The following GALNT18 variants were observed in gnomAD, a reference collection of about 807,000 sequenced individuals.
GALNT18 encodes the protein polypeptide N-acetylgalactosaminyltransferase 18.
A neutral mutation model predicts 69.5 loss-of-function variants in GALNT18; 44 were observed. The observed-to-expected ratio is 0.63, with a 90% CI of 0.50 to 0.81. The LOEUF (loss-of-function observed/expected upper bound fraction) is 0.81. Ranked by LOEUF, GALNT18 falls within the 40% of genes least tolerant of loss-of-function variation. GALNT18 has a pLI of 0.00. For synonymous variants in GALNT18, 364 were observed against 318.2 expected (o/e 1.14, Z -1.53); for missense variants, 715 against 810.0 (o/e 0.88, Z 1.42).
rs1859318491 is a variant in GALNT18, at chr11:11,590,026, A to G, written c.235+31333T>C. ...CCTACTCCTGGCTCTGCCACTTGCT[A>G]CCTTTGTGACTTTACCTAGGGGTGA... On this transcript the variant is annotated intron_variant, in intron 1 of 10. Transcript: ENST00000227756. This position sits in a 1 kb window ranked among gnomAD's most constrained non-coding sequence, Gnocchi z 4.4. Among the ~76,000 whole-genome samples the G allele has an allele frequency of 6.6e-6, 1 of 152,156 alleles. No homozygotes were observed. The highest frequency in any genetic ancestry group is 2.4e-5 in the African/African-American group (1 of 41,440).
intron 3 of GALNT18, among the ~76,000 whole-genome samples, chr11:11,405,285 G>A (rs1342312625): frequency 6.6e-6 from 1 of 152,230 alleles, no homozygotes; most frequent in African/African-American, 2.4e-5. Flanking sequence ...GAAAACCACG[G>A]CATCACTGTT....
chr11:11,558,148 T>C (rs571311416), intron 1 of GALNT18, among the ~76,000 whole-genome samples: 2 of 152,330 alleles, frequency 1.3e-5, no homozygotes, highest in East Asian at 3.9e-4. Context: ...CCATCGCCCC[T>C]GGATTCTCAG....
At chr11:11,291,495 G>A (rs140229596) in intron 10 of GALNT18, among the ~76,000 whole-genome samples, 568 of 151,616 alleles carry the variant, frequency 3.7e-3, no homozygotes, top group Non-Finnish European at 5.6e-3. Flanking sequence ...CTGTATGAAT[G>A]TTAGCTGTTA....
At position 11,542,149 on chromosome 11, in the gene GALNT18, T is replaced by G. The variant is rs1271187391; in HGVS notation, c.235+79210A>C. On this transcript the variant is annotated intron_variant, in intron 1 of 10. Coordinates refer to ENST00000227756, the MANE Select transcript of GALNT18 (RefSeq NM_198516.3). This position sits in a 1 kb window ranked among gnomAD's most constrained non-coding sequence, Gnocchi z 4.3. ...AAGCTAGTGGGTCCATCTCAATCAC[T>G]TAAGCTTATTTACTGACCATTAAAG... Among the ~76,000 whole-genome samples, 1 of 152,176 alleles carries G rather than the reference T, an allele frequency of 6.6e-6. No homozygotes were observed. The highest frequency in any genetic ancestry group is 1.9e-4 in the East Asian group (1 of 5,190).
intron 9 of GALNT18, among the ~76,000 whole-genome samples, chr11:11,305,924 A>G (rs970102090): frequency 2.0e-5 from 3 of 152,240 alleles, no homozygotes; most frequent in African/African-American, 7.2e-5. Flanking sequence ...AAATTCATGC[A>G]GGTGCACTCC....
At chr11:11,488,737 C>T (rs965529560) in intron 1 of GALNT18, among the ~76,000 whole-genome samples, 2 of 152,106 alleles carry the variant, frequency 1.3e-5, no homozygotes, top group East Asian at 1.9e-4. Context: ...CTTCTTTTCT[C>T]CTGGGCCCTG....
rs1331854592 is a variant in GALNT18 at position 11,340,044 on chromosome 11, C to A, written c.1278+775G>T. 6.6e-6 allele frequency among the ~76,000 whole-genome samples: 1 copy of A among 152,156 alleles called. No individual in the cohort carries two copies. Among genetic ancestry groups the A allele is most frequent in the Non-Finnish European group, 1.5e-5 (1 of 68,018 alleles). On this transcript the variant is annotated intron_variant, in intron 7 of 10. Coordinates refer to ENST00000227756, the MANE Select transcript of GALNT18 (RefSeq NM_198516.3). This position sits in a 1 kb window ranked among gnomAD's most constrained non-coding sequence, Gnocchi z 4.2. ...TGTCTCACACAGAATGCAACATAAG[C>A]AATGAACTCTAGGCAGACAGGCTGG...
rs1859630309 is a variant in GALNT18 at position 11,601,368 on chromosome 11, A to G, written c.235+19991T>C. On this transcript the variant is annotated intron_variant, in intron 1 of 10. Coordinates refer to ENST00000227756, the MANE Select transcript of GALNT18 (RefSeq NM_198516.3). This position sits in a 1 kb window ranked among gnomAD's most constrained non-coding sequence, Gnocchi z 4.0. ...GTGTAGTCTCTAATACTACTTCTTG[A>G]AGGTGAAACCTTAGGCATGTGCACA... is the stretch of plus-strand genomic sequence containing the variant. Among the ~76,000 whole-genome samples, 1 of 152,102 alleles carries G rather than the reference A, an allele frequency of 6.6e-6. No individual in the cohort carries two copies. The highest frequency in any genetic ancestry group is 1.5e-5 in the Non-Finnish European group (1 of 68,006).
Position 11,555,310 on chromosome 11 carries a change from G to A in GALNT18, c.235+66049C>T, listed in dbSNP as rs1044313044. On this transcript the variant is annotated intron_variant, in intron 1 of 10. Transcript: ENST00000227756. The surrounding 1 kb of genome is among the most constrained non-coding windows in gnomAD (Gnocchi z 4.7). ...TGTTTTCAGGAGATCTAGCTAGAGA[G>A]CATTTTCCTGACACAGTGTAAACGT... Among the ~76,000 whole-genome samples the A allele has an allele frequency of 2.0e-5, 3 of 152,166 alleles. No individual in the cohort carries two copies. The highest frequency in any genetic ancestry group is 4.4e-5 in the Non-Finnish European group (3 of 68,040).
chr11:11,344,962 G>C (rs1015450922), intron 6 of GALNT18, among the ~76,000 whole-genome samples: 2 of 152,196 alleles, frequency 1.3e-5, no homozygotes, highest in Non-Finnish European at 2.9e-5. Flanking sequence ...GAAGCCCTCA[G>C]TCTGTGTGTG....
chr11:11,284,827 TTAAG>T, intron 10 of GALNT18, among the ~76,000 whole-genome samples: 1 of 32,390 alleles, frequency 3.1e-5, no homozygotes, highest in East Asian at 4.6e-4. Flanking sequence ...AACCCTGAGA[TTAAG>T]TCTTTTTTTG....
rs4309157 is a variant in GALNT18, at chr11:11,501,897, C to T, written c.236-52961G>A. On this transcript the variant is annotated intron_variant, in intron 1 of 10. Transcript: ENST00000227756. ...TGACACAGCACAGGAAGACACTTCCCTCTTGCAGCAAATGCAGCTTCAGAG... is the reference window on the plus strand; with the variant it reads ...TGACACAGCACAGGAAGACACTTCCTTCTTGCAGCAAATGCAGCTTCAGAG... Among the ~76,000 whole-genome samples, 1,011 of 152,330 alleles carry T rather than the reference C, an allele frequency of 6.6e-3. 11 individuals are homozygous for T. The highest frequency in any genetic ancestry group is 0.023 in the African/African-American group (951 of 41,566).
chr11:11,361,303 T>G (rs1272323713), intron 6 of GALNT18, among the ~76,000 whole-genome samples: 1 of 152,206 alleles, frequency 6.6e-6, no homozygotes, highest in African/African-American at 2.4e-5. Context: ...ATCGCATCTT[T>G]ACCACTTACC....
intron 6 of GALNT18, among the ~76,000 whole-genome samples, chr11:11,346,405 G>A (rs1179337314): frequency 6.6e-6 from 1 of 152,156 alleles, no homozygotes; most frequent in Non-Finnish European, 1.5e-5. Flanking sequence ...CCTAATAAAG[G>A]TCATAAACAT....
At chr11:11,379,797 G>A (rs1201788542) in intron 3 of GALNT18, among the ~76,000 whole-genome samples, 1 of 152,240 alleles carries the variant, frequency 6.6e-6, no homozygotes, top group African/African-American at 2.4e-5. Context: ...TGGATGGCCA[G>A]GAGCTGTGCC....
chr11:11,520,929 G>A (rs1052134601), intron 1 of GALNT18, among the ~76,000 whole-genome samples: 5 of 96,924 alleles, frequency 5.2e-5, no homozygotes, highest in African/African-American at 1.6e-4. Flanking sequence ...GGCAGGGATC[G>A]GGAAGCACAT....
intron 9 of GALNT18, among the ~76,000 whole-genome samples, chr11:11,326,641 C>T (rs771465457): frequency 1.5e-4 from 23 of 152,252 alleles, no homozygotes; most frequent in Non-Finnish European, 2.9e-4. Context: ...ATTTTGGCCC[C>T]AGCTATGATC....
In GALNT18 at chr11:11,497,327, AACACACACACAC is replaced by A. The variant is rs61001797; in HGVS notation, c.236-48403_236-48392del. 1.9e-4 allele frequency among the ~76,000 whole-genome samples: 25 copies of A among 132,320 alleles called. No individual in the cohort carries two copies. Among genetic ancestry groups the A allele is most frequent in the East Asian group, 6.9e-4 (3 of 4,334 alleles). 86.8% of individuals were successfully genotyped at this position (132,320 alleles called of 152,430 possible). A position where few individuals can be genotyped will look rare whatever the true frequency, so the allele number is the denominator to read the frequency against. On this transcript the variant is annotated intron_variant, in intron 1 of 10. Coordinates refer to ENST00000227756, the MANE Select transcript of GALNT18 (RefSeq NM_198516.3). The surrounding 1 kb of genome is among the most constrained non-coding windows in gnomAD (Gnocchi z 4.2). The stretch of plus-strand genomic sequence containing the variant: ...TATTTATGTTTTACCTCCTGTCTCC[AACACACACACAC>A]ACACACACACACACACACACACACA...
Position 11,444,049 on chromosome 11 carries a change from G to T in GALNT18, c.428+4695C>A, listed in dbSNP as rs2133812620. Among the ~76,000 whole-genome samples the T allele has an allele frequency of 6.6e-6, 1 of 152,284 alleles. No homozygotes were observed. Among genetic ancestry groups the T allele is most frequent in the South Asian group, 2.1e-4 (1 of 4,826 alleles). On this transcript the variant is annotated intron_variant, in intron 2 of 10. Transcript: ENST00000227756. This position sits in a 1 kb window ranked among gnomAD's most constrained non-coding sequence, Gnocchi z 4.4. ...TTATTCTGCCTATCCATGAAGCCAG[G>T]ACCCCCCAAAGTTCAAAGATCCCAG...
Sources: allele counts gnomAD v4.1 joint callset (sites outside exome capture counted in the v4.1 genomes callset), GRCh38; gene constraint gnomAD v4.1.1; non-coding constraint Gnocchi (gnomAD v3.1); transcripts MANE v1.5; gene names NCBI Gene and HGNC (gene_info 2026-07-23, HGNC 2026-07-21).